PIWIL1: variants seen among roughly 807,000 people sequenced by gnomAD.
The protein encoded by PIWIL1 is piwi like RNA-mediated gene silencing 1.
In PIWIL1, 73 loss-of-function variants were observed where a neutral mutation model predicts 114.4. The observed-to-expected ratio is 0.64, with a 90% confidence interval of 0.53 to 0.78. The LOEUF is 0.78. PIWIL1 is among the 30% of genes least tolerant of loss of function. The pLI, the probability that PIWIL1 is intolerant of heterozygous loss-of-function variation, is 0.00. For synonymous variants in PIWIL1, 375 were observed against 369.0 expected, an observed-to-expected ratio of 1.02 and a Z score of -0.19; for missense variants, 723 against 1,063.1, an observed-to-expected ratio of 0.68 and a Z score of 4.45.
At chr12:130,419,519 C>T in the PIWIL1 span, 4 of 152,208 alleles carry the variant, frequency 2.6e-5, no homozygotes, top group Non-Finnish European at 5.9e-5. The surrounding 1 kb of genome is among the most constrained non-coding windows in gnomAD (Gnocchi z 4.3). Context: ...ATCTATTAAA[C>T]AGAGTTGACA....
the PIWIL1 span, chr12:130,422,637 C>T: frequency 7.3e-5 from 80 of 1,092,584 alleles, no homozygotes; most frequent in South Asian, 1.0e-3. This position sits in a 1 kb window ranked among gnomAD's most constrained non-coding sequence, Gnocchi z 5.2. Context: ...CCAAATCAAG[C>T]GGGTTGAAAA....
chr12:130,374,566 C>G (rs1434199543), downstream of PIWIL1, among the ~76,000 whole-genome samples: 3 of 152,184 alleles, frequency 2.0e-5, 1 homozygote, highest in South Asian at 6.2e-4. Flanking sequence ...TCCATGGCCT[C>G]TACACTCTGA....
intron 14 of PIWIL1, among the ~76,000 whole-genome samples, chr12:130,360,466 C>T (rs1336429311): frequency 2.6e-5 from 4 of 152,090 alleles, no homozygotes; most frequent in African/African-American, 9.7e-5. Context: ...AACCCCATCT[C>T]TACTAAAAAT....
intron 18 of PIWIL1, chr12:130,366,604 G>C (rs181662571): frequency 6.6e-6 from 1 of 152,458 alleles, no homozygotes; most frequent in African/African-American, 2.4e-5. Context: ...TTGAGACTCC[G>C]GTGAAACACG....
downstream of PIWIL1, among the ~76,000 whole-genome samples, chr12:130,374,978 G>T (rs142614166): frequency 2.0e-5 from 3 of 152,224 alleles, no homozygotes; most frequent in East Asian, 5.8e-4. Context: ...CCAAGGTCTG[G>T]AGGGTGAGGT....
At chr12:130,405,807 T>C in the PIWIL1 span, among the ~76,000 whole-genome samples, 2 of 152,286 alleles carry the variant, frequency 1.3e-5, no homozygotes, top group South Asian at 4.1e-4. Context: ...TATTTCTTCC[T>C]TTTCCTAAAA....
intron 19 of PIWIL1, among the ~76,000 whole-genome samples, chr12:130,368,015 CT>C (rs1160138669): frequency 1.3e-5 from 2 of 152,208 alleles, no homozygotes; most frequent in Non-Finnish European, 2.9e-5. Context: ...CCAGGCTGGT[CT>C]CAAACTCCTG....
chr12:130,413,511 T>C, the PIWIL1 span, among the ~76,000 whole-genome samples: 1 of 151,932 alleles, frequency 6.6e-6, no homozygotes, highest in Admixed American at 6.6e-5. Context: ...CGCGCATCTG[T>C]GTTCCCAGCT....
At chr12:130,408,426 C>G in the PIWIL1 span, among the ~76,000 whole-genome samples, 1 of 152,160 alleles carries the variant, frequency 6.6e-6, no homozygotes, top group African/African-American at 2.4e-5. Context: ...TAGCAGCGGC[C>G]GTAGAGAAGA....
At chr12:130,348,387 A>T (rs539350866) in intron 7 of PIWIL1, among the ~76,000 whole-genome samples, 1 of 152,198 alleles carries the variant, frequency 6.6e-6, no homozygotes, top group South Asian at 2.1e-4. Context: ...GTCACTAGGG[A>T]AGAATACATA....
chr12:130,424,960 G>C, the PIWIL1 span: 3 of 621,484 alleles, frequency 4.8e-6, no homozygotes, highest in African/African-American at 3.8e-5. This position sits in a 1 kb window ranked among gnomAD's most constrained non-coding sequence, Gnocchi z 9.8. Context: ...ATTAGTCCTG[G>C]AGGCACCGAG....
chr12:130,407,729 G>A, the PIWIL1 span: 11 of 1,612,798 alleles, frequency 6.8e-6, no homozygotes, highest in African/African-American at 1.3e-5. Context: ...CTGGTACCTC[G>A]ACATCGACGT....
intron 7 of PIWIL1, 76 bp downstream of exon 7, chr12:130,348,259 G>C (rs2073123724): frequency 1.2e-6 from 1 of 812,238 alleles, no homozygotes; most frequent in Non-Finnish European, 2.0e-6. Context: ...AATTTGAAAT[G>C]GTCAAATTTA....
At chr12:130,424,366 T>A in the PIWIL1 span, 2 of 1,232,576 alleles carry the variant, frequency 1.6e-6, no homozygotes, top group Non-Finnish European at 2.0e-6. The surrounding 1 kb of genome is among the most constrained non-coding windows in gnomAD (Gnocchi z 9.8). Context: ...TCCTCCACGC[T>A]GCTCTGCCGG....
chr12:130,352,680 AAATG>A (rs1224539254), intron 9 of PIWIL1, among the ~76,000 whole-genome samples: 1 of 152,196 alleles, frequency 6.6e-6, no homozygotes, highest in Non-Finnish European at 1.5e-5. Flanking sequence ...TCAAATAAAT[AAATG>A]AATGAATGAA....
the PIWIL1 span, chr12:130,398,223 A>G: frequency 6.6e-6 from 1 of 152,236 alleles, no homozygotes; most frequent in Non-Finnish European, 1.5e-5. Context: ...CTTTTACTCT[A>G]ATACGCTGCA....
rs398089008 is a variant in PIWIL1 at position 130,338,525 on chromosome 12, C to T, written c.-13+379C>T. Among the ~76,000 whole-genome samples the T allele has an allele frequency of 7.7e-3, 95 of 12,266 alleles. 3 individuals are homozygous for T. The highest frequency in any genetic ancestry group is 0.013 in the Admixed American group (16 of 1,188). 8.0% of individuals were successfully genotyped at this position (12,266 alleles called of 152,430 possible). A position where few individuals can be genotyped will look rare whatever the true frequency, so the allele number is the denominator to read the frequency against. On this transcript the variant is annotated intron_variant, in intron 1 of 20. Transcript: ENST00000245255. Reference sequence around the variant, plus strand: ...GGGTGCGGGGGCGAGGTCCCAGGTGCGGGAGATGCAGAAGCCGGGTGCGGG... The same window carrying T: ...GGGTGCGGGGGCGAGGTCCCAGGTGTGGGAGATGCAGAAGCCGGGTGCGGG...
intron 3 of PIWIL1, among the ~76,000 whole-genome samples, chr12:130,343,843 G>A (rs150643244): frequency 0.042 from 6,454 of 152,144 alleles, 244 homozygotes; most frequent in South Asian, 0.18. Flanking sequence ...TAGCCAGGAC[G>A]GTCTCGATCT....
chr12:130,382,031 CAT>C, the PIWIL1 span, among the ~76,000 whole-genome samples: 1 of 152,168 alleles, frequency 6.6e-6, no homozygotes, highest in African/African-American at 2.4e-5. Context: ...GAGTTCTTTG[CAT>C]ATTTTAGATA....
Sources: allele counts gnomAD v4.1 joint callset (sites outside exome capture counted in the v4.1 genomes callset), GRCh38; gene constraint gnomAD v4.1.1; non-coding constraint Gnocchi (gnomAD v3.1); transcripts MANE v1.5; gene names NCBI Gene and HGNC (gene_info 2026-07-23, HGNC 2026-07-21).